The following COL23A1 variants were observed in gnomAD, a reference collection of about 807,000 sequenced individuals.
COL23A1 encodes the protein collagen alpha-1(XXIII) chain.
A neutral mutation model predicts 99.3 loss-of-function variants in COL23A1; 97 were observed. The observed-to-expected ratio is 0.98, with a 90% CI of 0.83 to 1.16. The LOEUF is 1.16. Among genes scored for constraint, COL23A1 ranks in the 50% most tolerant of loss-of-function variants. The pLI is 0.00. For missense variants in COL23A1, 762 were observed against 757.4 expected (o/e 1.01, Z -0.07); for synonymous variants, 320 against 308.2 (o/e 1.04, Z -0.40).
chr5:178,280,633 T>C lies in COL23A1; in HGVS notation c.441+7691A>G, dbSNP rs550571472. Among the ~76,000 whole-genome samples the C allele has an allele frequency of 6.6e-6, 1 of 152,244 alleles. No individual in the cohort carries two copies. Reference sequence around the variant, plus strand: ...TCTGTGAACATGTTCTTCCATGTGATGGGGCGAGGATGCTGTGGGGCTGGT... The same window carrying C: ...TCTGTGAACATGTTCTTCCATGTGACGGGGCGAGGATGCTGTGGGGCTGGT... On this transcript the variant is annotated intron_variant, in intron 5 of 28. Coordinates refer to ENST00000390654, the MANE Select transcript of COL23A1 (RefSeq NM_173465.4). This position sits in a 1 kb window ranked among gnomAD's most constrained non-coding sequence, Gnocchi z 4.9.
intron 2 of COL23A1, among the ~76,000 whole-genome samples, chr5:178,358,304 GTA>G (rs879287238): frequency 0.014 from 1,996 of 147,114 alleles, 46 homozygotes; most frequent in African/African-American, 0.048. Flanking sequence ...ATGTATGTAT[GTA>G]TGTGTGTGTA....
chr5:178,393,174 T>G (rs1053199694), intron 2 of COL23A1, among the ~76,000 whole-genome samples: 3 of 152,226 alleles, frequency 2.0e-5, no homozygotes, highest in African/African-American at 7.2e-5. Flanking sequence ...GCAGGGAGCA[T>G]TAGCCTTAAA....
chr5:178,458,543 A>T (rs1755929273), intron 2 of COL23A1, among the ~76,000 whole-genome samples: 1 of 152,052 alleles, frequency 6.6e-6, no homozygotes, highest in Non-Finnish European at 1.5e-5. Context: ...AGGCTGAGTC[A>T]TGAGAATCAC....
intron 2 of COL23A1, among the ~76,000 whole-genome samples, chr5:178,478,086 C>A (rs1349758907): frequency 6.6e-6 from 1 of 152,130 alleles, no homozygotes; most frequent in African/African-American, 2.4e-5. Context: ...CTGGGTGGGG[C>A]GGTCCTGCAG....
At chr5:178,421,133 G>A (rs1379195340) in intron 2 of COL23A1, among the ~76,000 whole-genome samples, 5 of 152,160 alleles carry the variant, frequency 3.3e-5, no homozygotes, top group African/African-American at 9.7e-5. Context: ...ACTGTGAAAA[G>A]TTCCCACAGT....
Position 178,308,946 on chromosome 5 carries a change from G to A in COL23A1, c.362-2027C>T, listed in dbSNP as rs543658739. On this transcript the variant is annotated intron_variant, in intron 2 of 28. Coordinates refer to ENST00000390654, the MANE Select transcript of COL23A1 (RefSeq NM_173465.4). The surrounding 1 kb of genome is among the most constrained non-coding windows in gnomAD (Gnocchi z 5.1). ...GCTGTAGGAGGAAGAAGGCCCAGTG[G>A]CCACCCACAAAGCTTCGGGGCTCTT... Among the ~76,000 whole-genome samples the A allele has an allele frequency of 2.5e-4, 38 of 152,308 alleles. No individual in the cohort carries two copies. Among genetic ancestry groups the A allele is most frequent in the African/African-American group, 8.7e-4 (36 of 41,572 alleles).
chr5:178,455,108 C>A (rs1767698358), intron 2 of COL23A1, among the ~76,000 whole-genome samples: 1 of 152,238 alleles, frequency 6.6e-6, no homozygotes, highest in Non-Finnish European at 1.5e-5. Context: ...AGTCTGACTT[C>A]ATTTAACTCA....
At chr5:178,256,822 T>C in intron 14 of COL23A1, 44 bp downstream of exon 14, 1 of 1,584,072 alleles carries the variant, frequency 6.3e-7, no homozygotes, top group Non-Finnish European at 8.6e-7. Flanking sequence ...GGTGGAGGTC[T>C]GAGCGGGGCC....
chr5:178,304,511 A>C (rs1758247470), intron 3 of COL23A1, among the ~76,000 whole-genome samples: 1 of 149,350 alleles, frequency 6.7e-6, no homozygotes, highest in Non-Finnish European at 1.5e-5. Context: ...GTCTCAAAAA[A>C]AAAAAAAAAA....
intron 27 of COL23A1, among the ~76,000 whole-genome samples, chr5:178,241,532 C>T (rs866080471): frequency 6.6e-6 from 1 of 152,170 alleles, no homozygotes; most frequent in African/African-American, 2.4e-5. Context: ...AGTCAGACCC[C>T]GACTTCCACC....
At chr5:178,371,481 A>C (rs1762799002) in intron 2 of COL23A1, among the ~76,000 whole-genome samples, 1 of 152,082 alleles carries the variant, frequency 6.6e-6, no homozygotes, top group Admixed American at 6.6e-5. Flanking sequence ...CGCCAGTCCC[A>C]CCTCAAAGTC....
rs893543525 is a variant in COL23A1 at position 178,468,157 on chromosome 5, G to A, written c.361+92525C>T. ...GCCAGAAAGAGAGCGCCGGCTTTGGGGTGTGCTTGTGTGTTCACGGAGGAT... is the reference window on the plus strand; with the variant it reads ...GCCAGAAAGAGAGCGCCGGCTTTGGAGTGTGCTTGTGTGTTCACGGAGGAT... On this transcript the variant is annotated intron_variant, in intron 2 of 28. Transcript: ENST00000390654. This position sits in a 1 kb window ranked among gnomAD's most constrained non-coding sequence, Gnocchi z 4.2. Among the ~76,000 whole-genome samples, 6 of 152,170 alleles carry A rather than the reference G, an allele frequency of 3.9e-5. No homozygotes were observed. Among genetic ancestry groups the A allele is most frequent in the African/African-American group, 1.4e-4 (6 of 41,430 alleles).
At chr5:178,438,583 T>C (rs983578458) in intron 2 of COL23A1, 12 of 152,218 alleles carry the variant, frequency 7.9e-5, no homozygotes, top group Non-Finnish European at 1.5e-4. Flanking sequence ...TTGAAATTCC[T>C]CTGTATCTGC....
At chr5:178,243,294 C>T (rs971215938) in intron 25 of COL23A1, among the ~76,000 whole-genome samples, 1 of 151,926 alleles carries the variant, frequency 6.6e-6, no homozygotes, top group African/African-American at 2.4e-5. Context: ...TCAAGACCAG[C>T]CTGGGCAACA....
intron 2 of COL23A1, among the ~76,000 whole-genome samples, chr5:178,551,934 C>G (rs1762023122): frequency 6.6e-6 from 1 of 152,142 alleles, no homozygotes; most frequent in South Asian, 2.1e-4. Flanking sequence ...TGCCACCTTC[C>G]AAGCAAACAA....
intron 24 of COL23A1, 119 bp downstream of exon 24, chr5:178,246,135 G>T: frequency 7.4e-7 from 1 of 1,343,248 alleles, no homozygotes; most frequent in Non-Finnish European, 1.0e-6. Context: ...CACAGAGCCT[G>T]AACTCTGGCC....
chr5:178,330,521 G>A (rs1759958403), intron 2 of COL23A1, among the ~76,000 whole-genome samples: 2 of 152,276 alleles, frequency 1.3e-5, no homozygotes, highest in South Asian at 4.2e-4. Context: ...TACATATATG[G>A]TGTGCACCTG....
chr5:178,294,476 G>C (rs1382145585), intron 3 of COL23A1, among the ~76,000 whole-genome samples: 6 of 97,912 alleles, frequency 6.1e-5, no homozygotes, highest in African/African-American at 1.2e-4. Flanking sequence ...AATCACTACC[G>C]AGCTCCCTCC....
intron 2 of COL23A1, among the ~76,000 whole-genome samples, chr5:178,368,893 C>T (rs547438529): frequency 1.8e-4 from 28 of 152,274 alleles, no homozygotes; most frequent in African/African-American, 3.6e-4. Context: ...GATATGCCCA[C>T]GTCCCTGCAC....
Sources: gnomAD v4.1 joint callset for allele counts (sites outside exome capture counted in the v4.1 genomes callset) on GRCh38, gnomAD v4.1.1 for gene constraint, Gnocchi (gnomAD v3.1) non-coding constraint, MANE v1.5 for transcripts, NCBI Gene and HGNC (gene_info 2026-07-23, HGNC 2026-07-21) for gene names.